The following CCNH variants were observed in gnomAD, a reference collection of about 807,000 sequenced individuals.
CCNH encodes the protein cyclin-H.
CCNH carries 31 observed loss-of-function variants against 41.9 expected under a neutral mutation model. The ratio of observed to expected loss-of-function variants is 0.74; its 90% CI spans 0.56 to 1.00. The LOEUF (loss-of-function observed/expected upper bound fraction) is 1.00, where lower values mean the gene tolerates loss of function less well. Ranked by LOEUF, CCNH falls within the 50% of genes least tolerant of loss-of-function variation. The pLI, the probability that CCNH is intolerant of heterozygous loss-of-function variation, is 0.00. For missense variants in CCNH, 362 were observed against 388.4 expected (o/e 0.93, Z 0.57); for synonymous variants, 138 against 136.1 (o/e 1.01, Z -0.10).
chr5:87,329,163 G>C (rs755697449), intron 9 of CCNH, among the ~76,000 whole-genome samples: 4 of 151,852 alleles, frequency 2.6e-5, no homozygotes, highest in Non-Finnish European at 4.4e-5. Context: ...GTAAAAAATC[G>C]ACTCGGTGTG....
intron 6 of CCNH, 128 bp downstream of exon 6, chr5:87,401,574 T>C (rs1411708445): frequency 6.2e-6 from 4 of 647,910 alleles, no homozygotes. Context: ...GCTTCCATAA[T>C]ACAGTAATTC....
At chr5:87,341,559 T>C (rs1404517722) in intron 9 of CCNH, among the ~76,000 whole-genome samples, 2 of 152,146 alleles carry the variant, frequency 1.3e-5, no homozygotes, top group East Asian at 3.8e-4. Flanking sequence ...CTGAAGACTT[T>C]GAATAAACAC....
At chr5:87,379,884 G>C, upstream of CCNH, 1 of 1,591,426 alleles carries the variant, frequency 6.3e-7, no homozygotes, top group Non-Finnish European at 8.6e-7. Flanking sequence ...ACAAGAAATT[G>C]TGTATCTATG....
chr5:87,382,641 T>G (rs1761799557), intron 9 of CCNH, among the ~76,000 whole-genome samples: 1 of 152,190 alleles, frequency 6.6e-6, no homozygotes, highest in Non-Finnish European at 1.5e-5. Flanking sequence ...AATAGGAGTA[T>G]CTATGCAAGC....
At chr5:87,375,293 T>C (rs1761247612), downstream of CCNH, among the ~76,000 whole-genome samples, 1 of 152,042 alleles carries the variant, frequency 6.6e-6, no homozygotes, top group Non-Finnish European at 1.5e-5. Context: ...GGAGTCTTGC[T>C]CTTGTTGCTC....
downstream of CCNH, chr5:87,392,263 T>C (rs1347072888): frequency 2.0e-5 from 9 of 455,496 alleles, no homozygotes; most frequent in Admixed American, 2.1e-4. Flanking sequence ...ATGTATAAAA[T>C]ACAGGAAAAA....
At chr5:87,401,624 G>A (rs575870130) in intron 6 of CCNH, 78 bp downstream of exon 6, 657 of 867,394 alleles carry the variant, frequency 7.6e-4, no homozygotes, top group Non-Finnish European at 1.0e-3. Flanking sequence ...TATATTTCTA[G>A]TTAAACACCA....
intron 9 of CCNH, among the ~76,000 whole-genome samples, chr5:87,341,683 A>G (rs1006101748): frequency 6.6e-6 from 1 of 152,012 alleles, no homozygotes; most frequent in Non-Finnish European, 1.5e-5. Context: ...ATCCCCCCAA[A>G]ATAACGGTTC....
chr5:87,329,162 C>T (rs899285837), intron 9 of CCNH, among the ~76,000 whole-genome samples: 38 of 151,742 alleles, frequency 2.5e-4, no homozygotes, highest in African/African-American at 8.2e-4. Flanking sequence ...TGTAAAAAAT[C>T]GACTCGGTGT....
Position 87,412,807 on chromosome 5 carries a change from A to C in CCNH, c.-13T>G, listed in dbSNP as rs772120375. 6.2e-6 allele frequency: 10 copies of C among 1,613,588 alleles called. No homozygotes were observed. Among genetic ancestry groups the C allele is most frequent in the Non-Finnish European group, 8.5e-6 (10 of 1,179,718 alleles). ...TGTTGTGGTACATTATGGAATCGTG[A>C]CCAGGTCCAGAGGGTCTGCAGACGA... On this transcript the variant is annotated 5_prime_UTR_variant, in exon 1 of 9. Transcript: ENST00000256897.
chr5:87,390,879 G>C (rs1330650625), downstream of CCNH: 10 of 1,609,566 alleles, frequency 6.2e-6, no homozygotes, highest in South Asian at 1.1e-5. Flanking sequence ...AATGATGTCA[G>C]GTAGCAGCCT....
At chr5:87,380,476 TTC>T (rs771092663), upstream of CCNH, 7 of 1,555,382 alleles carry the variant, frequency 4.5e-6, no homozygotes, top group East Asian at 1.3e-4. Flanking sequence ...TTCACTTGCT[TTC>T]TGTGTTGAGA....
downstream of CCNH, among the ~76,000 whole-genome samples, chr5:87,393,156 G>A (rs1762643686): frequency 6.6e-6 from 1 of 151,890 alleles, no homozygotes; most frequent in South Asian, 2.1e-4. Flanking sequence ...AGTAAGTATT[G>A]CCTTAAAATA....
intron 5 of CCNH, 96 bp downstream of exon 5, chr5:87,404,748 G>T: frequency 1.0e-6 from 1 of 977,482 alleles, no homozygotes; most frequent in Non-Finnish European, 1.5e-6. Context: ...AACCATCCCA[G>T]CCACAAAGAA....
downstream of CCNH, chr5:87,391,617 T>C (rs1034998096): frequency 4.3e-5 from 10 of 230,792 alleles, no homozygotes; most frequent in Non-Finnish European, 7.6e-5. Flanking sequence ...TCAGTAAATA[T>C]TATTGGTTGT....
At chr5:87,353,829 G>A (rs1204946671) in intron 9 of CCNH, among the ~76,000 whole-genome samples, 2 of 152,110 alleles carry the variant, frequency 1.3e-5, no homozygotes, top group East Asian at 3.9e-4. Flanking sequence ...AAGAGAGCCT[G>A]TTAAATGTTA....
At chr5:87,376,358 T>TAAA in exon 1 of CCNH, 1 of 1,610,592 alleles carries the variant, frequency 6.2e-7, no homozygotes, top group Non-Finnish European at 8.5e-7. Context: ...TCGTGTTCTC[T>TAAA]TTTTAAACAA....
chr5:87,359,372 G>C (rs1182022890), intron 9 of CCNH, among the ~76,000 whole-genome samples: 1 of 152,162 alleles, frequency 6.6e-6, no homozygotes, highest in Non-Finnish European at 1.5e-5. Context: ...AACACGTAGA[G>C]AAGCCTTTCT....
intron 9 of CCNH, among the ~76,000 whole-genome samples, chr5:87,383,172 C>T (rs1160676662): frequency 1.3e-5 from 2 of 152,130 alleles, no homozygotes. Flanking sequence ...CAATAAGTCA[C>T]TTTTTCTCTA....
Sources: allele counts gnomAD v4.1 joint callset (sites outside exome capture counted in the v4.1 genomes callset), GRCh38; gene constraint gnomAD v4.1.1; transcripts MANE v1.5; gene names NCBI Gene and HGNC (gene_info 2026-07-23, HGNC 2026-07-21).